Variants in DNAH8 observed in about 807,000 individuals in gnomAD.
DNAH8 encodes the protein axonemal beta dynein heavy chain 8.
Under a neutral mutation model 562.1 loss-of-function variants are expected in DNAH8, and 382 were observed. The ratio of observed to expected loss-of-function variants is 0.68; its 90% CI spans 0.63 to 0.74. The LOEUF is 0.74. Among genes scored for constraint, DNAH8 ranks in the 30% least tolerant of loss-of-function variants. The pLI is 0.00. For missense variants in DNAH8, 5,203 were observed against 5,620.4 expected (o/e 0.93, Z 2.37); for synonymous variants, 1,881 against 1,919.4 (o/e 0.98, Z 0.52).
At chr6:38,913,753 A>C in intron 66 of DNAH8, 96 bp from the exon 67 acceptor site, 1 of 770,306 alleles carries the variant, frequency 1.3e-6, no homozygotes, top group Non-Finnish European at 2.1e-6. Context: ...GTTATATTAC[A>C]TGTACAGTGC....
Position 38,951,340 on chromosome 6 carries a change from G to T in DNAH8, c.12271G>T (p.Val4091Phe). Reference sequence around the variant, plus strand: ...TAGGTCTTGGTGCCCAGACCGTACTGTTTTTCAAGCAAGAAAGTATATTGC... The same window carrying T: ...TAGGTCTTGGTGCCCAGACCGTACTTTTTTTCAAGCAAGAAAGTATATTGC... ...LIRSWCPDRT[V>F]FQARKYIADS... The change falls in exon 82 of 93, where the codon GTT becomes TTT. Residue 4091 changes from valine (V) to phenylalanine (F), a missense_variant. Physicochemically the swap from Val to Phe is conservative, Grantham distance 50. Transcript: ENST00000327475. The T allele has an allele frequency of 6.2e-7, 1 of 1,614,168 alleles. No homozygotes were observed. The highest frequency in any genetic ancestry group is 8.5e-7 in the Non-Finnish European group (1 of 1,180,022).
chr6:38,981,756 G>C (rs1764053137), intron 85 of DNAH8, among the ~76,000 whole-genome samples: 1 of 152,172 alleles, frequency 6.6e-6, no homozygotes. Context: ...TTTTTGAGTT[G>C]TCAGTGGAGA....
chr6:38,924,295 G>T, intron 73 of DNAH8, 133 bp downstream of exon 73: 4 of 785,042 alleles, frequency 5.1e-6, no homozygotes, highest in Non-Finnish European at 4.0e-6. Flanking sequence ...GGCAGATCAT[G>T]AGGTCAGGAG....
chr6:39,001,713 CTT>C (rs1448928027), intron 88 of DNAH8, among the ~76,000 whole-genome samples: 1 of 152,310 alleles, frequency 6.6e-6, no homozygotes, highest in Non-Finnish European at 1.5e-5. Flanking sequence ...ATGTGAAAGA[CTT>C]CAGATTTTAT....
chr6:38,951,546 A>G (rs760286857), intron 82 of DNAH8, 26 bp downstream of exon 82: 2 of 1,582,020 alleles, frequency 1.3e-6, no homozygotes, highest in Non-Finnish European at 1.7e-6. Context: ...TACAAAATGT[A>G]GCAACACTTC....
intron 62 of DNAH8, among the ~76,000 whole-genome samples, chr6:38,900,869 G>A (rs994961520): frequency 2.6e-5 from 4 of 152,036 alleles, no homozygotes; most frequent in African/African-American, 9.7e-5. Context: ...AACCCGCGTC[G>A]GCCTCCCAAA....
intron 92 of DNAH8, among the ~76,000 whole-genome samples, chr6:39,029,470 T>A (rs6923397): frequency 2.0e-5 from 3 of 152,002 alleles, no homozygotes; most frequent in Non-Finnish European, 4.4e-5. Context: ...CTTTAAAAAA[T>A]TTTTCTGCAC....
intron 74 of DNAH8, among the ~76,000 whole-genome samples, 183 bp downstream of exon 74, chr6:38,926,393 C>A (rs1442221095): frequency 6.6e-6 from 1 of 150,788 alleles, no homozygotes; most frequent in Non-Finnish European, 1.5e-5. Flanking sequence ...TTTGTACTCT[C>A]TTTGGATCCT....
rs552759465 is a variant in DNAH8, at chr6:38,789,992, T to C, written c.2664+109T>C. 1.8e-3 allele frequency: 1,401 copies of C among 797,534 alleles called. 2 individuals carry two copies. Among genetic ancestry groups the C allele is most frequent in the Non-Finnish European group, 2.5e-3 (1,247 of 505,618 alleles). 49.4% of individuals were successfully genotyped at this position (797,534 alleles called of 1,614,324 possible). ...CTATTCTTCTTTAGACCCTCCATCT[T>C]TCTAGTTCAATTTTATAGCTCTGTT... On this transcript the variant is annotated intron_variant, in intron 19 of 92. Coordinates refer to ENST00000327475, the MANE Select transcript of DNAH8 (RefSeq NM_001206927.2).
chr6:38,724,206 C>G (rs1032750477), intron 3 of DNAH8, among the ~76,000 whole-genome samples: 1 of 152,012 alleles, frequency 6.6e-6, no homozygotes, highest in African/African-American at 2.4e-5. Context: ...TGGTCTTGAT[C>G]TCTTGACCTC....
chr6:38,915,116 G>A, intron 67 of DNAH8, 85 bp from the exon 68 acceptor site: 1 of 1,160,690 alleles, frequency 8.6e-7, no homozygotes, highest in South Asian at 1.5e-5. Context: ...ATATTATGTT[G>A]AATAAATATT....
At chr6:38,988,167 C>T (rs1764533563) in intron 87 of DNAH8, among the ~76,000 whole-genome samples, 1 of 152,196 alleles carries the variant, frequency 6.6e-6, no homozygotes, top group Non-Finnish European at 1.5e-5. Flanking sequence ...TCTCTGTTCT[C>T]AGCATCTTAC....
At chr6:38,765,128 G>A (rs1380335123) in intron 11 of DNAH8, among the ~76,000 whole-genome samples, 2 of 152,170 alleles carry the variant, frequency 1.3e-5, no homozygotes, top group African/African-American at 2.4e-5. Context: ...AAGCCACTGC[G>A]CCTGGCCTCA....
At chr6:38,855,914 C>A (rs1336543486) in intron 41 of DNAH8, among the ~76,000 whole-genome samples, 1 of 152,154 alleles carries the variant, frequency 6.6e-6, no homozygotes, top group African/African-American at 2.4e-5. Context: ...CTGAACTGTG[C>A]ATTTGAGGGA....
chr6:38,727,450 GAC>G (rs548411841), intron 3 of DNAH8, among the ~76,000 whole-genome samples: 63 of 152,346 alleles, frequency 4.1e-4, no homozygotes, highest in African/African-American at 1.2e-3. Context: ...CCCTGTTCCT[GAC>G]TGTGGTTCTC....
intron 21 of DNAH8, among the ~76,000 whole-genome samples, chr6:38,795,581 G>A (rs111397363): frequency 0.16 from 20,920 of 127,970 alleles, 1,709 homozygotes; most frequent in East Asian, 0.31. Flanking sequence ...CTGTGTCTCA[G>A]AAAAAAAAAA....
chr6:38,850,116 A>G, intron 37 of DNAH8, 135 bp from the exon 38 acceptor site: 9 of 751,730 alleles, frequency 1.2e-5, no homozygotes, highest in South Asian at 1.1e-4. Context: ...ATGAAAAAAA[A>G]TTGTCTGTTT....
At chr6:38,837,644 G>A (rs1774409367) in intron 32 of DNAH8, among the ~76,000 whole-genome samples, 1 of 152,158 alleles carries the variant, frequency 6.6e-6, no homozygotes, top group African/African-American at 2.4e-5. Context: ...TTTTAAAAAT[G>A]CAGCTTTATT....
intron 12 of DNAH8, 21 bp downstream of exon 12, chr6:38,770,580 G>A (rs770894419): frequency 3.0e-5 from 47 of 1,561,402 alleles, no homozygotes; most frequent in South Asian, 2.5e-4. Flanking sequence ...TGCAGTCATC[G>A]TACCCCACTC....
Sources: allele counts gnomAD v4.1 joint callset (sites outside exome capture counted in the v4.1 genomes callset), GRCh38; gene constraint gnomAD v4.1.1; transcripts MANE v1.5; gene names NCBI Gene and HGNC (gene_info 2026-07-23, HGNC 2026-07-21).